MDN1: variants seen among roughly 807,000 people sequenced by gnomAD.
MDN1 encodes the protein midasin.
Under a neutral mutation model 669.2 loss-of-function variants are expected in MDN1, and 266 were observed. That is an observed-to-expected ratio of 0.40 (90% CI 0.36 to 0.44). The LOEUF is 0.44. MDN1 is among the 20% of genes least tolerant of loss of function. The pLI is 1.00. For missense variants in MDN1, 5,940 were observed against 6,754.0 expected (o/e 0.88, Z 4.22); for synonymous variants, 2,385 against 2,457.1 (o/e 0.97, Z 0.87).
At chr6:89,676,306 G>C in intron 76 of MDN1, 99 bp from the exon 77 acceptor site, 1 of 987,126 alleles carries the variant, frequency 1.0e-6, no homozygotes, top group Non-Finnish European at 1.6e-6. Flanking sequence ...ATAACCAAGA[G>C]TCAGCTGTCT....
At chr6:89,729,192 T>C in intron 35 of MDN1, 53 bp from the exon 36 acceptor site, 1 of 1,413,758 alleles carries the variant, frequency 7.1e-7, no homozygotes, top group Middle Eastern at 2.4e-4. Flanking sequence ...TCAAATCACA[T>C]GTATGCATCA....
In MDN1 at chr6:89,699,663, A is replaced by G. The variant is rs753921703; in HGVS notation, c.8935T>C (p.Tyr2979His). The change falls in exon 58 of 102, where the codon TAT becomes CAT. Residue 2979 changes from tyrosine (Y) to histidine (H), a missense_variant. By Grantham distance (83) the Tyr-to-His change is moderately conservative. This residue lies in a region of MDN1 where 2,292 missense variants were observed against 2,638.3 expected (regional missense o/e 0.87). Coordinates refer to ENST00000369393, the MANE Select transcript of MDN1 (RefSeq NM_014611.3). ...EISHLISFCL[Y>H]HTPVTPQELR... ...TCTTGAGGTGTAACAGGTGTGTGAT[A>G]AAGACAAAATGAGATGAGGTGACTT... The G allele has an allele frequency of 6.2e-7, 1 of 1,614,094 alleles. No individual in the cohort carries two copies. Among genetic ancestry groups the G allele is most frequent in the Non-Finnish European group, 8.5e-7 (1 of 1,179,976 alleles).
intron 53 of MDN1, among the ~76,000 whole-genome samples, chr6:89,704,132 G>T (rs897498400): frequency 5.9e-5 from 9 of 152,124 alleles, no homozygotes; most frequent in Admixed American, 5.9e-4. Flanking sequence ...TGTAATCCCA[G>T]CATTTACGGA....
chr6:89,688,648 T>C lies in MDN1; in HGVS notation c.11184A>G (p.Gln3728=). Residue 3728 remains glutamine, a synonymous_variant, in exon 66 of 102, where the codon CAA becomes CAG. Transcript: ENST00000369393. The part of the protein sequence containing the change: ...HPNVPEARQC[Q]PVLQGFSEAV... Reference sequence around the variant, plus strand: ...CCTCTGAGAAACCTTGAAGCACAGGTTGACACTGCCGTGCTTCTGGAACAT... The same window carrying C: ...CCTCTGAGAAACCTTGAAGCACAGGCTGACACTGCCGTGCTTCTGGAACAT... The C allele has an allele frequency of 6.2e-7, 1 of 1,614,080 alleles. No homozygotes were observed. The highest frequency in any genetic ancestry group is 8.5e-7 in the Non-Finnish European group (1 of 1,180,000).
chr6:89,712,514 T>C, intron 48 of MDN1, 61 bp downstream of exon 48: 1 of 1,513,628 alleles, frequency 6.6e-7, no homozygotes, highest in Non-Finnish European at 9.2e-7. Context: ...GTCCTGACCA[T>C]TTCCAGCAAA....
chr6:89,695,965 C>A lies in MDN1; in HGVS notation c.9411G>T (p.Gln3137His), dbSNP rs1373462578. Reference protein sequence around the residue: ...FRRTDSQLQGQVLFRHLAGLA... With the variant: ...FRRTDSQLQGHVLFRHLAGLA... The stretch of plus-strand genomic sequence containing the variant: ...GGCCTGCCAGGTGCCGGAACAGCAC[C>A]TGCCCCTGGAGTTGGGAATCCGTGC... The change falls in exon 61 of 102, where the codon CAG becomes CAT. Residue 3137 changes from glutamine to histidine, a missense_variant. Gln to His is a conservative substitution (Grantham distance 24). Coordinates refer to ENST00000369393, the MANE Select transcript of MDN1 (RefSeq NM_014611.3). This position sits in a 1 kb window ranked among gnomAD's most constrained non-coding sequence, Gnocchi z 4.1. The A allele has an allele frequency of 3.7e-6, 6 of 1,610,010 alleles. No individual in the cohort carries two copies. In the African/African-American group the frequency reaches 6.7e-5, roughly 18 times the overall value.
intron 5 of MDN1, among the ~76,000 whole-genome samples, chr6:89,792,839 GA>G (rs1819354144): frequency 1.3e-5 from 2 of 151,902 alleles, no homozygotes; most frequent in Non-Finnish European, 2.9e-5. Flanking sequence ...CCAACATAGT[GA>G]AATTCCGTCT....
intron 82 of MDN1, among the ~76,000 whole-genome samples, chr6:89,671,619 G>C (rs1019066610): frequency 1.3e-5 from 2 of 152,190 alleles, no homozygotes; most frequent in African/African-American, 4.8e-5. Flanking sequence ...AGGAGGTCAA[G>C]GCTACAGTGA....
chr6:89,670,164 A>ATTTTTT (rs1234314950), intron 83 of MDN1, among the ~76,000 whole-genome samples: 11 of 18,256 alleles, frequency 6.0e-4, no homozygotes, highest in African/African-American at 1.5e-3. Flanking sequence ...ATATATATAT[A>ATTTTTT]TATATATTTT....
rs2128306670 is a variant in MDN1, at chr6:89,683,430, C to A, written c.11904-100G>T. 6.6e-6 allele frequency: 6 copies of A among 909,572 alleles called. No homozygotes were observed. The South Asian group carries it at 9.8e-5, about 15-fold the overall frequency. 56.3% of individuals were successfully genotyped at this position (909,572 alleles called of 1,614,324 possible). A position where few individuals can be genotyped will look rare whatever the true frequency, so the allele number is the denominator to read the frequency against. On this transcript the variant is annotated intron_variant, in intron 72 of 101. Transcript: ENST00000369393. The stretch of plus-strand genomic sequence containing the variant: ...TCATGCATCCATACATAATCTAATA[C>A]CCTGTACCTTTTATATACAATGCTC...
chr6:89,646,450 G>T, intron 100 of MDN1, 90 bp downstream of exon 100: 1 of 1,030,892 alleles, frequency 9.7e-7, no homozygotes, highest in Non-Finnish European at 1.5e-6. Context: ...TTAAAACACA[G>T]TGACGGGGAC....
rs1041197176 is a variant in MDN1, at chr6:89,706,205, A to G, written c.8015-13T>C. 6.2e-7 allele frequency: 1 copy of G among 1,603,212 alleles called. No homozygotes were observed. The highest frequency in any genetic ancestry group is 1.1e-5 in the South Asian group (1 of 89,394). ...TAGCTTTCTGGATCTGAGAGTCAACATAAATAAAATGAGAACATTTCATCA... is the reference window on the plus strand; with the variant it reads ...TAGCTTTCTGGATCTGAGAGTCAACGTAAATAAAATGAGAACATTTCATCA... On this transcript the variant is annotated splice_polypyrimidine_tract_variant and intron_variant, in intron 52 of 101. Transcript: ENST00000369393.
intron 37 of MDN1, among the ~76,000 whole-genome samples, chr6:89,726,090 C>T (rs1040420194): frequency 1.9e-4 from 29 of 152,062 alleles, no homozygotes; most frequent in African/African-American, 7.0e-4. Context: ...TATTAACCTG[C>T]TCTGTAAGTA....
In MDN1 at chr6:89,719,177, T is replaced by G. The variant is rs1009262376; in HGVS notation, c.6016A>C (p.Met2006Leu). 4 of 1,613,898 alleles carry G rather than the reference T, an allele frequency of 2.5e-6. No homozygotes were observed. In the African/African-American group the frequency reaches 5.3e-5, roughly 22 times the overall value. ...DVFGSNSNPY[M>L]GTRLFRITPY... ...GTGATACGAAATAGTCTGGTTCCCA[T>G]GTATGGGTTGGAATTTGAACCAAAC... Residue 2006 changes from methionine (M) to leucine (L), a missense_variant, in exon 41 of 102, where the codon ATG becomes CTG. Physicochemically the swap from Met to Leu is conservative, Grantham distance 15. Around this residue, in one of 5 missense-constraint regions of MDN1, gnomAD observed 2,292 missense variants for 2,638.3 expected, o/e 0.87. Transcript: ENST00000369393.
Position 89,662,185 on chromosome 6 carries a change from T to G in MDN1, c.14467A>C (p.Lys4823Gln). 1 of 1,614,116 alleles carries G rather than the reference T, an allele frequency of 6.2e-7. No individual in the cohort carries two copies. Among genetic ancestry groups the G allele is most frequent in the Non-Finnish European group, 8.5e-7 (1 of 1,180,016 alleles). ...DDNLDSGNSN[K>Q]DKSQQDKKEE... ...TTCTTATCTTGCTGGCTTTTATCTT[T>G]GTTTGAATTGCCACTATCCAAGTTG... The change falls in exon 87 of 102, where the codon AAA (lysine) becomes CAA (glutamine). Residue 4823 changes from lysine (K) to glutamine (Q), a missense_variant. Physicochemically the swap from Lys to Gln is moderately conservative, Grantham distance 53. This residue lies in a region of MDN1 where 2,280 missense variants were observed against 2,576.3 expected (regional missense o/e 0.88). Coordinates refer to ENST00000369393, the MANE Select transcript of MDN1 (RefSeq NM_014611.3).
chr6:89,802,400 GT>G (rs1378896144), intron 2 of MDN1, among the ~76,000 whole-genome samples: 4 of 152,156 alleles, frequency 2.6e-5, no homozygotes, highest in Non-Finnish European at 5.9e-5. Context: ...GAAATGTTCT[GT>G]TGGCCGGGCA....
intron 12 of MDN1, 26 bp from the exon 13 acceptor site, chr6:89,774,759 G>A (rs1446533647): frequency 6.7e-7 from 1 of 1,491,786 alleles, no homozygotes; most frequent in South Asian, 1.1e-5. Context: ...TTTTACCTGA[G>A]TAAAAATCCA....
At chr6:89,796,201 G>A (rs1819581427) in intron 2 of MDN1, among the ~76,000 whole-genome samples, 1 of 151,248 alleles carries the variant, frequency 6.6e-6, no homozygotes, top group Admixed American at 6.6e-5. Flanking sequence ...GTGCATGCCT[G>A]TAATCCCAGC....
In MDN1 at chr6:89,712,137, A is replaced by G; in HGVS notation, c.7550T>C (p.Val2517Ala). The part of the protein sequence containing the change: ...TYWIDEPDVL[V>A]MAVKLLIERA... ...TTCTATGAGCAATTTAACAGCCATG[A>G]CCAAAACATCTGGTTCATCGATCCA... Residue 2517 changes from valine to alanine, a missense_variant, in exon 49 of 102, where the codon GTC becomes GCC. Physicochemically the swap from Val to Ala is moderately conservative, Grantham distance 64. Around this residue, in one of 5 missense-constraint regions of MDN1, gnomAD observed 2,292 missense variants for 2,638.3 expected, o/e 0.87. Transcript: ENST00000369393. The G allele has an allele frequency of 6.2e-7, 1 of 1,614,176 alleles. No individual in the cohort carries two copies. The highest frequency in any genetic ancestry group is 8.5e-7 in the Non-Finnish European group (1 of 1,180,020).
Sources: allele counts gnomAD v4.1 joint callset (sites outside exome capture counted in the v4.1 genomes callset), GRCh38; gene constraint gnomAD v4.1.1; regional missense constraint gnomAD v4.1.1; non-coding constraint Gnocchi (gnomAD v3.1); transcripts MANE v1.5; gene names NCBI Gene and HGNC (gene_info 2026-07-23, HGNC 2026-07-21).